The following KCNQ5 variants were observed in gnomAD, a reference collection of about 807,000 sequenced individuals.
KCNQ5 encodes potassium voltage-gated channel subfamily KQT member 5.
A neutral mutation model predicts 98.2 loss-of-function variants in KCNQ5; 30 were observed. The observed-to-expected ratio is 0.31, with a 90% CI of 0.23 to 0.41. The LOEUF (loss-of-function observed/expected upper bound fraction) is 0.41, where lower values mean the gene tolerates loss of function less well. Ranked by LOEUF, KCNQ5 falls within the 10% of genes least tolerant of loss-of-function variation. The pLI, the probability that KCNQ5 is intolerant of heterozygous loss-of-function variation, is 1.00. For missense variants in KCNQ5, 835 were observed against 1,182.5 expected (o/e 0.71, Z 4.31); for synonymous variants, 458 against 449.4 (o/e 1.02, Z -0.24).
chr6:72,739,874 G>A (rs1005555884), intron 1 of KCNQ5, among the ~76,000 whole-genome samples: 1 of 152,160 alleles, frequency 6.6e-6, no homozygotes, highest in South Asian at 2.1e-4. Context: ...TTATAGCACT[G>A]TAAGTTTAGG....
At chr6:72,650,348 A>G (rs1310627379) in intron 1 of KCNQ5, among the ~76,000 whole-genome samples, 2 of 152,178 alleles carry the variant, frequency 1.3e-5, no homozygotes, top group Non-Finnish European at 2.9e-5. Flanking sequence ...CTGCTTAGTC[A>G]AATGAAATGC....
intron 1 of KCNQ5, among the ~76,000 whole-genome samples, chr6:72,889,784 C>T (rs1778989227): frequency 6.6e-6 from 1 of 152,172 alleles, no homozygotes; most frequent in African/African-American, 2.4e-5. Flanking sequence ...GATCATTAGA[C>T]ATTATATGAA....
chr6:73,133,286 A>AT (rs1776310829), intron 9 of KCNQ5, 135 bp from the exon 10 acceptor site: 1 of 700,932 alleles, frequency 1.4e-6, no homozygotes, highest in Non-Finnish European at 2.4e-6. Context: ...GGGAAAAATA[A>AT]TTGCTATGCT....
chr6:72,624,388 C>T (rs142719773), intron 1 of KCNQ5, among the ~76,000 whole-genome samples: 5 of 152,252 alleles, frequency 3.3e-5, no homozygotes, highest in African/African-American at 1.2e-4. Context: ...CAAAACATTT[C>T]TAGCCTTTCT....
chr6:73,000,847 C>A (rs1188601956), intron 1 of KCNQ5, among the ~76,000 whole-genome samples: 5 of 152,190 alleles, frequency 3.3e-5, no homozygotes, highest in Non-Finnish European at 7.3e-5. Flanking sequence ...ACCCTTTTAT[C>A]CTGTCCAGAA....
At chr6:72,837,647 TGG>T (rs992880845) in intron 1 of KCNQ5, among the ~76,000 whole-genome samples, 1 of 152,222 alleles carries the variant, frequency 6.6e-6, no homozygotes, top group African/African-American at 2.4e-5. Flanking sequence ...TCAGTAATAC[TGG>T]GTTTCCATTG....
At chr6:73,120,858 C>T (rs550430563) in intron 8 of KCNQ5, among the ~76,000 whole-genome samples, 5 of 152,200 alleles carry the variant, frequency 3.3e-5, no homozygotes, top group East Asian at 1.9e-4. Context: ...TGTCTCATTT[C>T]GTAAAGCCCA....
intron 2 of KCNQ5, among the ~76,000 whole-genome samples, chr6:73,014,849 A>G (rs932968424): frequency 6.6e-6 from 1 of 152,104 alleles, no homozygotes; most frequent in Non-Finnish European, 1.5e-5. Context: ...CTATATATAT[A>G]TAACATGGTA....
At chr6:73,115,428 TAGAAGAGC>T (rs1775450930) in intron 7 of KCNQ5, among the ~76,000 whole-genome samples, 1 of 152,024 alleles carries the variant, frequency 6.6e-6, no homozygotes, top group African/African-American at 2.4e-5. Context: ...GTGGCCACAG[TAGAAGAGC>T]TCACCAAGTG....
chr6:72,902,035 T>C (rs1204343166), intron 1 of KCNQ5, among the ~76,000 whole-genome samples: 1 of 152,238 alleles, frequency 6.6e-6, no homozygotes, highest in African/African-American at 2.4e-5. Flanking sequence ...AGCAGTATTT[T>C]GTAGTTTTCC....
Position 73,042,893 on chromosome 6 carries a change from C to G in KCNQ5, c.616+831C>G, listed in dbSNP as rs369146445. ...TATTATTTAGTAGCTAAATTTGGCT[C>G]TCTTGCTTTTTTGTCTTTCTCACTT... On this transcript the variant is annotated intron_variant, in intron 3 of 13. Transcript: ENST00000370398. Among the ~76,000 whole-genome samples, 57 of 152,214 alleles carry G rather than the reference C, an allele frequency of 3.7e-4. 1 individual carries two copies. The South Asian group carries it at 0.012, about 32-fold the overall frequency.
intron 3 of KCNQ5, among the ~76,000 whole-genome samples, chr6:73,050,963 G>A (rs1772207410): frequency 6.6e-6 from 1 of 152,126 alleles, no homozygotes; most frequent in Admixed American, 6.5e-5. Context: ...AACACAATTT[G>A]TATATTCATT....
intron 1 of KCNQ5, among the ~76,000 whole-genome samples, chr6:72,844,172 A>G (rs971961302): frequency 6.6e-6 from 1 of 152,188 alleles, no homozygotes; most frequent in Non-Finnish European, 1.5e-5. Context: ...TAATAAAAAA[A>G]ATTAAGCTAG....
intron 11 of KCNQ5, among the ~76,000 whole-genome samples, chr6:73,183,878 G>A (rs1363586643): frequency 1.3e-5 from 2 of 152,124 alleles, no homozygotes; most frequent in Non-Finnish European, 2.9e-5. Context: ...CTCACACCTG[G>A]TCCTGCTTAG....
intron 2 of KCNQ5, among the ~76,000 whole-genome samples, chr6:73,013,843 A>T (rs976556450): frequency 1.3e-5 from 2 of 152,148 alleles, no homozygotes; most frequent in Non-Finnish European, 2.9e-5. Flanking sequence ...TAAGGCTTAC[A>T]ACACTTTTAC....
intron 11 of KCNQ5, among the ~76,000 whole-genome samples, chr6:73,171,860 C>T (rs950094591): frequency 1.3e-5 from 2 of 152,176 alleles, no homozygotes; most frequent in Non-Finnish European, 2.9e-5. Flanking sequence ...GCAGATTAGG[C>T]TTCCTAAAAG....
intron 2 of KCNQ5, among the ~76,000 whole-genome samples, chr6:73,010,984 A>G (rs914650195): frequency 3.9e-5 from 6 of 152,074 alleles, no homozygotes; most frequent in Admixed American, 1.3e-4. Context: ...CAAAATCCCA[A>G]TGATGTTTCT....
chr6:72,744,819 AG>A (rs1771301838), intron 1 of KCNQ5, among the ~76,000 whole-genome samples: 1 of 152,016 alleles, frequency 6.6e-6, no homozygotes, highest in South Asian at 2.1e-4. Context: ...AAAAAAAAAA[AG>A]AAAAAGAAAA....
At chr6:72,982,768 C>A (rs1398484440) in intron 1 of KCNQ5, among the ~76,000 whole-genome samples, 1 of 152,138 alleles carries the variant, frequency 6.6e-6, no homozygotes, top group Non-Finnish European at 1.5e-5. Flanking sequence ...TTCCTAGCAT[C>A]AATGGTCTTC....
Sources: allele counts gnomAD v4.1 joint callset (sites outside exome capture counted in the v4.1 genomes callset), GRCh38; gene constraint gnomAD v4.1.1; transcripts MANE v1.5; gene names NCBI Gene and HGNC (gene_info 2026-07-23, HGNC 2026-07-21).